NLRP3: variants seen among roughly 807,000 people sequenced by gnomAD.
NLRP3 encodes NACHT, LRR and PYD domains-containing protein 3.
In NLRP3, 48 loss-of-function variants were observed where a neutral mutation model predicts 91.3. The ratio of observed to expected loss-of-function variants is 0.53; its 90% CI spans 0.42 to 0.67. The LOEUF (loss-of-function observed/expected upper bound fraction) is 0.67, where lower values mean the gene tolerates loss of function less well. Ranked by LOEUF, NLRP3 falls within the 30% of genes least tolerant of loss-of-function variation. The probability of loss-of-function intolerance (pLI) is 0.00; values close to 1 mark genes in which losing one functional copy is unlikely to be tolerated. For synonymous variants in NLRP3, 561 were observed against 507.9 expected, an observed-to-expected ratio of 1.10 and a Z score of -1.41; for missense variants, 982 against 1,276.9, an observed-to-expected ratio of 0.77 and a Z score of 3.52.
intron 1 of NLRP3, among the ~76,000 whole-genome samples, chr1:247,416,603 G>T (rs1368474546): frequency 6.6e-6 from 1 of 152,094 alleles, no homozygotes; most frequent in Admixed American, 6.5e-5. Flanking sequence ...GATGCAGATG[G>T]AAGGACTGAT....
intron 8 of NLRP3, 71 bp from the exon 9 acceptor site, chr1:247,444,580 G>A (rs1217718545): frequency 6.5e-7 from 1 of 1,529,706 alleles, no homozygotes; most frequent in African/African-American, 1.4e-5. Context: ...GACAGGCTAA[G>A]ATGCTAAAAT....
At chr1:247,432,035 C>T (rs1663370520) in intron 5 of NLRP3, among the ~76,000 whole-genome samples, 1 of 152,146 alleles carries the variant, frequency 6.6e-6, no homozygotes, top group African/African-American at 2.4e-5. Context: ...CAGGCATGGG[C>T]CACCACGCCC....
Position 247,424,056 on chromosome 1 carries a change from A to G in NLRP3, c.607A>G (p.Met203Val), listed in dbSNP as rs775227316. The G allele has an allele frequency of 5.6e-6, 9 of 1,614,018 alleles. No individual in the cohort carries two copies. The South Asian group carries it at 8.8e-5, about 16-fold the overall frequency. Residue 203 changes from methionine (M) to valine (V), a missense_variant, in exon 4 of 10, where the codon ATG becomes GTG. Physicochemically the swap from Met to Val is conservative, Grantham distance 21. Transcript: ENST00000336119. This position sits in a 1 kb window ranked among gnomAD's most constrained non-coding sequence, Gnocchi z 8.1. Reference sequence around the variant, plus strand: ...TGAGAGCCCCGTGAGTCCCATTAAGATGGAGTTGCTGTTTGACCCCGATGA... The same window carrying G: ...TGAGAGCCCCGTGAGTCCCATTAAGGTGGAGTTGCTGTTTGACCCCGATGA... ...TCESPVSPIKMELLFDPDDEH... is the reference protein window; with the variant it reads ...TCESPVSPIKVELLFDPDDEH...
intron 5 of NLRP3, among the ~76,000 whole-genome samples, chr1:247,431,327 G>A (rs377356107): frequency 2.6e-5 from 4 of 152,166 alleles, no homozygotes; most frequent in South Asian, 4.1e-4. Context: ...GCATGCAGGC[G>A]TCTGCATTTT....
intron 5 of NLRP3, among the ~76,000 whole-genome samples, chr1:247,432,602 T>C (rs1028549358): frequency 6.6e-6 from 1 of 152,174 alleles, no homozygotes; most frequent in Non-Finnish European, 1.5e-5. Context: ...TGCCCCTGTA[T>C]GATTCTGGAG....
Position 247,424,238 on chromosome 1 carries a change from C to G in NLRP3, c.789C>G (p.Ser263Arg). Residue 263 changes from serine (S) to arginine (R), a missense_variant, in exon 4 of 10, where the codon AGC becomes AGG. Transcript: ENST00000336119. The surrounding 1 kb of genome is among the most constrained non-coding windows in gnomAD (Gnocchi z 8.1). ...TCTATATCCACTGTCGAGAGGTGAG[C>G]CTTGTGACACAGAGGAGCCTGGGGG... The part of the protein sequence containing the change: ...YLFYIHCREV[S>R]LVTQRSLGDL... 6.2e-7 allele frequency: 1 copy of G among 1,614,074 alleles called. No individual in the cohort carries two copies. Among genetic ancestry groups the G allele is most frequent in the African/African-American group, 1.3e-5 (1 of 75,028 alleles).
At chr1:247,416,503 G>C (rs1662083737) in intron 1 of NLRP3, among the ~76,000 whole-genome samples, 1 of 152,194 alleles carries the variant, frequency 6.6e-6, no homozygotes, top group African/African-American at 2.4e-5. Flanking sequence ...GGGATATACA[G>C]AAGGAAACAA....
chr1:247,429,491 C>A, intron 4 of NLRP3, 94 bp from the exon 5 acceptor site: 2 of 1,408,720 alleles, frequency 1.4e-6, no homozygotes, highest in African/African-American at 1.4e-5. Flanking sequence ...GAAGGCATTT[C>A]TCTGAACTGG....
chr1:247,422,200 G>A (rs1327035817), intron 2 of NLRP3, among the ~76,000 whole-genome samples: 1 of 151,900 alleles, frequency 6.6e-6, no homozygotes, highest in African/African-American at 2.4e-5. Context: ...GCAACATAGT[G>A]AGAACCTGTC....
chr1:247,419,433 G>A (rs964309871), intron 2 of NLRP3, among the ~76,000 whole-genome samples: 2 of 152,144 alleles, frequency 1.3e-5, no homozygotes, highest in African/African-American at 2.4e-5. Flanking sequence ...GGAATTACAG[G>A]TGTGAGCCAC....
Position 247,425,360 on chromosome 1 carries a change from G to A in NLRP3, c.1911G>A (p.Glu637=). Residue 637 remains glutamate (E), a synonymous_variant, in exon 4 of 10, where the codon GAG becomes GAA. Transcript: ENST00000336119. The surrounding 1 kb of genome is among the most constrained non-coding windows in gnomAD (Gnocchi z 4.1). ...ELFYCLYEMQ[E]EDFVQRAMDY... Reference sequence around the variant, plus strand: ...TCTACTGTTTGTACGAGATGCAGGAGGAGGACTTCGTGCAAAGGGCCATGG... The same window carrying A: ...TCTACTGTTTGTACGAGATGCAGGAAGAGGACTTCGTGCAAAGGGCCATGG... 1 of 1,614,194 alleles carries A rather than the reference G, an allele frequency of 6.2e-7. No individual in the cohort carries two copies. The highest frequency in any genetic ancestry group is 8.5e-7 in the Non-Finnish European group (1 of 1,180,030).
Position 247,418,636 on chromosome 1 carries a change from G to T in NLRP3, c.-165G>T. 1.1e-6 allele frequency: 1 copy of T among 883,338 alleles called. No individual in the cohort carries two copies. Among genetic ancestry groups the T allele is most frequent in the Non-Finnish European group, 1.8e-6 (1 of 564,630 alleles). The allele number at this position is 883,338 out of a possible 1,614,324, so 54.7% of individuals were successfully genotyped here. On this transcript the variant is annotated 5_prime_UTR_variant, in exon 2 of 10. Transcript: ENST00000336119. ...TTTTCAAAATTAAAGATTTTGACTT[G>T]TTACAGTCATGTGACATTTTTTTCT...
In NLRP3 at chr1:247,422,212, C is replaced by G. The variant is rs530722198; in HGVS notation, c.278-1018C>G. Among the ~76,000 whole-genome samples, 157 of 152,048 alleles carry G rather than the reference C, an allele frequency of 1.0e-3. 1 individual carries two copies. Among genetic ancestry groups the G allele is most frequent in the South Asian group, 3.7e-3 (18 of 4,816 alleles). ...TGGGCAACATAGTGAGAACCTGTCT[C>G]TACAAAAAATGCAAACATTAGTTAG... On this transcript the variant is annotated intron_variant, in intron 2 of 9. Transcript: ENST00000336119.
Position 247,446,971 on chromosome 1 carries a change from G to C in NLRP3, c.3006-1434G>C, listed in dbSNP as rs567871308. ...AGATGGGGGAACAAACAAAGGATTG[G>C]TCAGGTCAAAGCTGGGGACACTGCT... On this transcript the variant is annotated intron_variant, in intron 9 of 9. Transcript: ENST00000336119. Among the ~76,000 whole-genome samples the C allele has an allele frequency of 9.3e-4, 142 of 152,310 alleles. 1 individual carries two copies. Among genetic ancestry groups the C allele is most frequent in the Non-Finnish European group, 1.9e-3 (131 of 68,034 alleles).
At chr1:247,429,841 C>A in intron 5 of NLRP3, 86 bp downstream of exon 5, 2 of 1,517,722 alleles carry the variant, frequency 1.3e-6, no homozygotes. Flanking sequence ...ATCTTCAGGA[C>A]CAGGTTGCTG....
chr1:247,440,900 AC>A (rs1664164546), intron 7 of NLRP3, among the ~76,000 whole-genome samples: 1 of 152,016 alleles, frequency 6.6e-6, no homozygotes, highest in African/African-American at 2.4e-5. Context: ...AGAAGCTCCT[AC>A]TTATTTTTTA....
chr1:247,447,499 G>T (rs919027855), intron 9 of NLRP3, among the ~76,000 whole-genome samples: 2 of 152,198 alleles, frequency 1.3e-5, no homozygotes, highest in East Asian at 3.9e-4. Context: ...ACCAAATTGA[G>T]ATGGTTATAA....
Position 247,423,872 on chromosome 1 carries a change from C to A in NLRP3, c.423C>A (p.Tyr141Ter). The A allele has an allele frequency of 6.2e-7, 1 of 1,613,924 alleles. No individual in the cohort carries two copies. Among genetic ancestry groups the A allele is most frequent in the Non-Finnish European group, 8.5e-7 (1 of 1,179,982 alleles). ...ATTACCGTAAGAAGTACAGAAAGTACGTGAGAAGCAGATTCCAGTGCATTG... is the reference window on the plus strand; with the variant it reads ...ATTACCGTAAGAAGTACAGAAAGTAAGTGAGAAGCAGATTCCAGTGCATTG... Reference protein sequence around the residue: ...KKDYRKKYRKYVRSRFQCIED... With the variant: ...KKDYRKKYRK The change falls in exon 4 of 10, where the codon TAC becomes TAA. Residue 141 changes from tyrosine (Y) to a stop codon, truncating the protein, a stop_gained. Coordinates refer to ENST00000336119, the MANE Select transcript of NLRP3 (RefSeq NM_001243133.2). LOFTEE classifies it high-confidence loss of function.
At chr1:247,434,535 C>T (rs933096628) in intron 6 of NLRP3, among the ~76,000 whole-genome samples, 1 of 151,942 alleles carries the variant, frequency 6.6e-6, no homozygotes, top group Non-Finnish European at 1.5e-5. Context: ...GCCTAGCTGA[C>T]AAAAAGAAAA....
Sources: gnomAD v4.1 joint callset for allele counts (sites outside exome capture counted in the v4.1 genomes callset) on GRCh38, gnomAD v4.1.1 for gene constraint, Gnocchi (gnomAD v3.1) non-coding constraint, MANE v1.5 for transcripts, NCBI Gene and HGNC (gene_info 2026-07-23, HGNC 2026-07-21) for gene names.